Variants in CD163L1 observed in about 807,000 individuals in gnomAD.
The protein encoded by CD163L1 is scavenger receptor cysteine-rich type 1 protein M160.
Under a neutral mutation model 165.4 loss-of-function variants are expected in CD163L1, and 124 were observed. The ratio of observed to expected loss-of-function variants is 0.75; its 90% CI spans 0.65 to 0.87. The LOEUF (loss-of-function observed/expected upper bound fraction) is 0.87. Ranked by LOEUF, CD163L1 falls within the 40% of genes least tolerant of loss-of-function variation. The probability of loss-of-function intolerance (pLI) is 0.00; values close to 1 mark genes in which losing one functional copy is unlikely to be tolerated. For missense variants in CD163L1, 1,525 were observed against 1,799.9 expected (o/e 0.85, Z 2.76); for synonymous variants, 585 against 662.2 (o/e 0.88, Z 1.79).
chr12:7,439,663 T>C (rs1948787124), intron 2 of CD163L1: 19 of 1,612,682 alleles, frequency 1.2e-5, no homozygotes, highest in Non-Finnish European at 1.5e-5. Flanking sequence ...CTCTGCAATT[T>C]TCTTCCTAAA....
chr12:7,405,934 C>T (rs942530153), intron 5 of CD163L1, among the ~76,000 whole-genome samples: 1 of 152,088 alleles, frequency 6.6e-6, no homozygotes, highest in African/African-American at 2.4e-5. Context: ...ATATTTTAAT[C>T]CCTGATATAC....
the CD163L1 span, among the ~76,000 whole-genome samples, chr12:7,322,172 C>G: frequency 6.6e-6 from 1 of 152,186 alleles, no homozygotes; most frequent in Non-Finnish European, 1.5e-5. Context: ...TCTTTAATAG[C>G]TAAGTTCTCC....
chr12:7,403,720 T>C lies in CD163L1; in HGVS notation c.1223A>G (p.Lys408Arg), dbSNP rs371277628. 1.9e-6 allele frequency: 3 copies of C among 1,614,096 alleles called. No homozygotes were observed. Residue 408 changes from lysine to arginine, a missense_variant, in exon 6 of 20, where the codon AAG (lysine) becomes AGG (arginine). Physicochemically the swap from Lys to Arg is conservative, Grantham distance 26. Transcript: ENST00000313599. ...GACGCTGAACGGACATCCTAGCTGC[T>C]TACAAACCACAAGGGCTTGTTCATT... ...WKNEQALVVC[K>R]QLGCPFSVFG...
In CD163L1 at chr12:7,367,350, T is replaced by C. The variant is rs1043278843; in HGVS notation, c.4184-19A>G. The C allele has an allele frequency of 5.2e-6, 8 of 1,542,326 alleles. No homozygotes were observed. The highest frequency in any genetic ancestry group is 1.1e-5 in the South Asian group (1 of 89,278). ...GTTGAAACTGAGAATGGATGCTTCATGGTTAGGATTCAAATTCAAATGGCC... is the reference window on the plus strand; with the variant it reads ...GTTGAAACTGAGAATGGATGCTTCACGGTTAGGATTCAAATTCAAATGGCC... On this transcript the variant is annotated intron_variant, in intron 17 of 19. Transcript: ENST00000313599.
At chr12:7,412,339 G>A (rs1346053509) in intron 4 of CD163L1, among the ~76,000 whole-genome samples, 1 of 152,160 alleles carries the variant, frequency 6.6e-6, no homozygotes, top group Non-Finnish European at 1.5e-5. Context: ...GTTTGAAGAT[G>A]TATCTGTGGG....
chr12:7,367,755 T>C (rs1459140218), intron 17 of CD163L1, among the ~76,000 whole-genome samples: 1 of 152,196 alleles, frequency 6.6e-6, no homozygotes, highest in Non-Finnish European at 1.5e-5. Flanking sequence ...TCCTCCACCA[T>C]GCTTCTACAT....
At chr12:7,435,984 G>A (rs1475593331) in intron 2 of CD163L1, among the ~76,000 whole-genome samples, 2 of 152,014 alleles carry the variant, frequency 1.3e-5, no homozygotes, top group East Asian at 3.8e-4. Flanking sequence ...CTTAAAATAA[G>A]CAAAACTAAA....
chr12:7,442,372 A>C (rs1354510641), intron 1 of CD163L1, among the ~76,000 whole-genome samples: 1 of 152,230 alleles, frequency 6.6e-6, no homozygotes, highest in Non-Finnish European at 1.5e-5. Context: ...GCAGAGACAG[A>C]AGGCGCAACC....
chr12:7,377,122 T>C (rs1248089894), intron 9 of CD163L1, among the ~76,000 whole-genome samples: 1 of 152,224 alleles, frequency 6.6e-6, no homozygotes, highest in Non-Finnish European at 1.5e-5. Context: ...CTTTCTCTTC[T>C]TCAAACATAT....
At chr12:7,378,916 G>A (rs772886251) in intron 9 of CD163L1, 62 bp downstream of exon 9, 32 of 1,461,916 alleles carry the variant, frequency 2.2e-5, no homozygotes, top group Admixed American at 1.6e-4. Context: ...TCATAAACAC[G>A]TATTAAATAA....
intron 4 of CD163L1, among the ~76,000 whole-genome samples, chr12:7,412,818 C>T (rs914282084): frequency 3.9e-5 from 6 of 151,946 alleles, no homozygotes; most frequent in Non-Finnish European, 7.4e-5. Context: ...AGCACCTGGC[C>T]GGGCGCAGTG....
At position 7,369,290 on chromosome 12, in the gene CD163L1, G is replaced by T; in HGVS notation, c.4039+67C>A. On this transcript the variant is annotated intron_variant, in intron 15 of 19. Coordinates refer to ENST00000313599, the MANE Select transcript of CD163L1 (RefSeq NM_174941.6). The surrounding 1 kb of genome is among the most constrained non-coding windows in gnomAD (Gnocchi z 4.9). The stretch of plus-strand genomic sequence containing the variant: ...ATCTTCAGCTCAACTCTCTGAGTGA[G>T]CCTGTTTCCCAGTGTTCTCTACCAT... The T allele has an allele frequency of 6.7e-7, 1 of 1,493,876 alleles. No homozygotes were observed. The highest frequency in any genetic ancestry group is 9.2e-7 in the Non-Finnish European group (1 of 1,088,932). 92.5% of individuals were successfully genotyped at this position (1,493,876 alleles called of 1,614,324 possible). A position where few individuals can be genotyped will look rare whatever the true frequency, so the allele number is the denominator to read the frequency against.
At chr12:7,371,904 A>G (rs1947153829) in intron 14 of CD163L1, among the ~76,000 whole-genome samples, 1 of 152,044 alleles carries the variant, frequency 6.6e-6, no homozygotes, top group Non-Finnish European at 1.5e-5. Context: ...ATACACACAT[A>G]TGATACTCAA....
At position 7,396,414 on chromosome 12, in the gene CD163L1, A is replaced by G; in HGVS notation, c.1731T>C (p.Gly577=). ...CCAGCCTCAGGCCCCATGTTGCATC[A>G]CCTGCACCAAGAACAATGAAGCAAG... ...HREDVIVTCS[G]DATWGLRLVG... is the part of the protein sequence containing the mutation. Residue 577 remains glycine, a splice_region_variant and synonymous_variant, in exon 8 of 20, where the codon GGT becomes GGC. Transcript: ENST00000313599. 6.3e-7 allele frequency: 1 copy of G among 1,598,586 alleles called. No homozygotes were observed. The highest frequency in any genetic ancestry group is 8.6e-7 in the Non-Finnish European group (1 of 1,169,158).
intron 8 of CD163L1, among the ~76,000 whole-genome samples, chr12:7,380,393 G>GTATACACACATGTATGTGTGTATATA (rs1947372812): frequency 2.8e-5 from 4 of 140,354 alleles, no homozygotes; most frequent in Admixed American, 6.9e-5. Flanking sequence ...GTGTATATGC[G>GTATACACACATGTATGTGTGTATATA]TATACACACA....
intron 8 of CD163L1, among the ~76,000 whole-genome samples, chr12:7,388,956 A>T (rs1055588334): frequency 6.6e-6 from 1 of 152,140 alleles, no homozygotes; most frequent in Admixed American, 6.5e-5. Flanking sequence ...TTTTGTCTGA[A>T]TAGTACTCCT....
chr12:7,401,290 A>G (rs1947911192), intron 6 of CD163L1, among the ~76,000 whole-genome samples: 1 of 152,100 alleles, frequency 6.6e-6, no homozygotes, highest in African/African-American at 2.4e-5. Flanking sequence ...ATAAATGTTA[A>G]TTAATATTAT....
At chr12:7,423,155 G>C (rs988289628) in intron 4 of CD163L1, among the ~76,000 whole-genome samples, 2 of 152,026 alleles carry the variant, frequency 1.3e-5, no homozygotes, top group African/African-American at 4.8e-5. Context: ...AATCAAATTA[G>C]AACCCCAGAA....
chr12:7,428,285 A>T (rs760478963), intron 4 of CD163L1, among the ~76,000 whole-genome samples: 57 of 152,170 alleles, frequency 3.7e-4, no homozygotes, highest in African/African-American at 8.7e-4. Context: ...GATAAAAAAA[A>T]TTTTTTTAAG....
Sources: gnomAD v4.1 joint callset for allele counts (sites outside exome capture counted in the v4.1 genomes callset) on GRCh38, gnomAD v4.1.1 for gene constraint, Gnocchi (gnomAD v3.1) non-coding constraint, MANE v1.5 for transcripts, NCBI Gene and HGNC (gene_info 2026-07-23, HGNC 2026-07-21) for gene names.